The following LYSMD4 variants were observed in gnomAD, a reference collection of about 807,000 sequenced individuals.
The protein encoded by LYSMD4 is lysM and putative peptidoglycan-binding domain-containing protein 4.
Under a neutral mutation model 6.1 loss-of-function variants are expected in LYSMD4, and 9 were observed. The observed-to-expected ratio is 1.47, with a 90% CI of 0.88 to 2.56. The LOEUF (loss-of-function observed/expected upper bound fraction) is 2.56, where lower values mean the gene tolerates loss of function less well. Ranked by LOEUF, LYSMD4 falls within the 30% of genes most tolerant of loss-of-function variation. The pLI, the probability that LYSMD4 is intolerant of heterozygous loss-of-function variation, is 0.00. For synonymous variants in LYSMD4, 143 were observed against 148.5 expected (o/e 0.96, Z 0.27); for missense variants, 384 against 373.5 (o/e 1.03, Z -0.23).
chr15:99,732,831 C>A (rs976108455), intron 1 of LYSMD4: 1 of 152,780 alleles, frequency 6.5e-6, no homozygotes, highest in African/African-American at 2.4e-5. Flanking sequence ...TCCCCGCCCA[C>A]GCCTTCGAGG....
chr15:99,732,221 T>C (rs2059435905), intron 1 of LYSMD4, among the ~76,000 whole-genome samples: 1 of 152,228 alleles, frequency 6.6e-6, no homozygotes, highest in Non-Finnish European at 1.5e-5. Flanking sequence ...TCTAATCGCA[T>C]ACGTTTTGTG....
Position 99,729,084 on chromosome 15 carries a change from CCA to C in LYSMD4, c.*37_*38del. The C allele has an allele frequency of 6.2e-7, 1 of 1,603,288 alleles. No individual in the cohort carries two copies. Among genetic ancestry groups the C allele is most frequent in the Non-Finnish European group, 8.5e-7 (1 of 1,171,974 alleles). On this transcript the variant is annotated 3_prime_UTR_variant, in exon 3 of 3. Coordinates refer to ENST00000684762, the MANE Select transcript of LYSMD4 (RefSeq NM_001284417.2). The stretch of plus-strand genomic sequence containing the variant: ...AGTGACAGCTGAGGCACATCAACAG[CCA>C]ATTGCTAAAGCTGGGCCTAGTCTTT...
At chr15:99,731,517 CTT>C in intron 2 of LYSMD4, 199 bp downstream of exon 2, 1 of 1,567,828 alleles carries the variant, frequency 6.4e-7, no homozygotes, top group Non-Finnish European at 8.6e-7. Context: ...AACCCTCCCT[CTT>C]TGGGGGCCAG....
chr15:99,731,614 AC>A (rs1243413643), intron 2 of LYSMD4, 103 bp downstream of exon 2: 1 of 1,522,640 alleles, frequency 6.6e-7, no homozygotes, highest in Admixed American at 2.2e-5. Context: ...GCCTCTCCTG[AC>A]GGCCTGGCAG....
At chr15:99,731,489 CAGAG>C (rs2059410055) in intron 2 of LYSMD4, 1 of 1,591,164 alleles carries the variant, frequency 6.3e-7, no homozygotes, top group African/African-American at 1.4e-5. Flanking sequence ...AAGTTCCCTG[CAGAG>C]AAAGAAATGC....
rs759713410 is a variant in LYSMD4 at position 99,729,307 on chromosome 15, T to C, written c.707A>G (p.Tyr236Cys). 6.2e-7 allele frequency: 1 copy of C among 1,614,004 alleles called. No individual in the cohort carries two copies. The highest frequency in any genetic ancestry group is 8.5e-7 in the Non-Finnish European group (1 of 1,180,018). Residue 236 changes from tyrosine to cysteine, a missense_variant, in exon 3 of 3, where the codon TAT becomes TGT. By Grantham distance (194) the Tyr-to-Cys change is radical. Transcript: ENST00000684762. Reference protein sequence around the residue: ...LLIGIVLPVFYLVYFKIQASG... With the variant: ...LLIGIVLPVFCLVYFKIQASG... ...AGCTTGTATTTTAAAGTAGACCAAA[T>C]AAAAGACAGGCAAGACAATACCAAT...
exon 1 of LYSMD4, chr15:99,716,805 C>G (rs1192771589): frequency 2.5e-6 from 1 of 394,138 alleles, no homozygotes; most frequent in East Asian, 7.4e-5. Context: ...CATTCGGCCT[C>G]CAGTAACTGC....
In LYSMD4 at chr15:99,729,717, C is replaced by T. The variant is rs763717885; in HGVS notation, c.297G>A (p.Lys99=). 1 of 1,607,886 alleles carries T rather than the reference C, an allele frequency of 6.2e-7. No homozygotes were observed. The highest frequency in any genetic ancestry group is 1.1e-5 in the South Asian group (1 of 90,908). Reference sequence around the variant, plus strand: ...GTTCTCTGATGAAGTTGTTGACTTTCTTGATATCTGCAACCTAGGAAGGCA... The same window carrying T: ...GTTCTCTGATGAAGTTGTTGACTTTTTTGATATCTGCAACCTAGGAAGGCA... ...LQYGCKVADI[K]KVNNFIREQD... Residue 99 remains lysine (K), a synonymous_variant, in exon 3 of 3, where the codon AAG becomes AAA. Coordinates refer to ENST00000684762, the MANE Select transcript of LYSMD4 (RefSeq NM_001284417.2).
At chr15:99,725,087 C>G (rs1457087418), downstream of LYSMD4, among the ~76,000 whole-genome samples, 1 of 152,180 alleles carries the variant, frequency 6.6e-6, no homozygotes, top group African/African-American at 2.4e-5. Context: ...AGACCTGTCC[C>G]AAGGCCTTAA....
rs749994991 is a variant in LYSMD4 at position 99,729,418 on chromosome 15, G to A, written c.596C>T (p.Pro199Leu). ...ESYCMDTSHQ[P>L]LLPAPPKTPM... is the part of the protein sequence containing the mutation. ...CGTCTTCGGAGGTGCCGGGAGCAGT[G>A]GCTGATGGGAGGTGTCCATGCAGTA... The change falls in exon 3 of 3, where the codon CCA (proline) becomes CTA (leucine). Residue 199 changes from proline (P) to leucine (L), a missense_variant. Pro to Leu is a moderately conservative substitution (Grantham distance 98). Transcript: ENST00000684762. The A allele has an allele frequency of 6.2e-7, 1 of 1,614,198 alleles. No homozygotes were observed. The highest frequency in any genetic ancestry group is 8.5e-7 in the Non-Finnish European group (1 of 1,180,042).
chr15:99,728,117 A>C lies in LYSMD4; in HGVS notation c.*1006T>G, dbSNP rs1424454594. 1 of 152,276 alleles carries C rather than the reference A, an allele frequency of 6.6e-6. No homozygotes were observed. The highest frequency in any genetic ancestry group is 1.5e-5 in the Non-Finnish European group (1 of 68,080). 9.4% of individuals were successfully genotyped at this position (152,276 alleles called of 1,614,324 possible). On this transcript the variant is annotated 3_prime_UTR_variant, in exon 3 of 3. Coordinates refer to ENST00000684762, the MANE Select transcript of LYSMD4 (RefSeq NM_001284417.2). ...CCTGGAACATTGTGAGTTACATTGC[A>C]TATAGTGTTATTCTAAGGGCATCAC...
upstream of LYSMD4, among the ~76,000 whole-genome samples, chr15:99,719,435 A>G (rs924710751): frequency 3.3e-5 from 5 of 152,160 alleles, no homozygotes. Context: ...CACCCCTGCT[A>G]GCCTCTTCCT....
rs1333931704 is a variant in LYSMD4, at chr15:99,729,848, CTGA to C, written c.283-120_283-118del. On this transcript the variant is annotated intron_variant, in intron 2 of 2. Coordinates refer to ENST00000684762, the MANE Select transcript of LYSMD4 (RefSeq NM_001284417.2). ...ATTCAAGCCCACTTCACTGACGAAT[CTGA>C]TGAAGACTGGAAAACTGCAGCTGTA... is the stretch of plus-strand genomic sequence containing the variant. 2.6e-5 allele frequency: 33 copies of C among 1,271,832 alleles called. No homozygotes were observed. In the East Asian group the frequency reaches 7.4e-4, roughly 29 times the overall value. 78.8% of individuals were successfully genotyped at this position (1,271,832 alleles called of 1,614,324 possible).
chr15:99,727,179 A>G (rs2059291922), downstream of LYSMD4, among the ~76,000 whole-genome samples: 1 of 152,220 alleles, frequency 6.6e-6, no homozygotes, highest in African/African-American at 2.4e-5. Context: ...GTTCGAAATC[A>G]GCCTGGCCAA....
rs1018685789 is a variant in LYSMD4, at chr15:99,729,050, G to A, written c.*73C>T. 2 of 1,576,474 alleles carry A rather than the reference G, an allele frequency of 1.3e-6. No individual in the cohort carries two copies. Among genetic ancestry groups the A allele is most frequent in the Non-Finnish European group, 1.7e-6 (2 of 1,158,124 alleles). The stretch of plus-strand genomic sequence containing the variant: ...CGGAAGCAAAATGCAGCACCCCTAG[G>A]ACATCGCCAGTGACAGCTGAGGCAC... On this transcript the variant is annotated 3_prime_UTR_variant, in exon 3 of 3. Coordinates refer to ENST00000684762, the MANE Select transcript of LYSMD4 (RefSeq NM_001284417.2).
chr15:99,729,725 C>G lies in LYSMD4; in HGVS notation c.289G>C (p.Asp97His). The G allele has an allele frequency of 8.7e-6, 14 of 1,604,980 alleles. No homozygotes were observed. The highest frequency in any genetic ancestry group is 1.2e-5 in the Non-Finnish European group (14 of 1,177,090). Residue 97 changes from aspartate (D) to histidine (H), a missense_variant, in exon 3 of 3, where the codon GAT becomes CAT. Asp to His is a moderately conservative substitution (Grantham distance 81, BLOSUM62 -1). Coordinates refer to ENST00000684762, the MANE Select transcript of LYSMD4 (RefSeq NM_001284417.2). ...LALQYGCKVA[D>H]IKKVNNFIRE... is the part of the protein sequence containing the mutation. The stretch of plus-strand genomic sequence containing the variant: ...ATGAAGTTGTTGACTTTCTTGATAT[C>G]TGCAACCTAGGAAGGCACGAAGATA...
chr15:99,724,484 C>T (rs1467849290), downstream of LYSMD4, among the ~76,000 whole-genome samples: 1 of 152,198 alleles, frequency 6.6e-6, no homozygotes, highest in African/African-American at 2.4e-5. Context: ...AGGCTGGTCT[C>T]GAACTCCTGG....
chr15:99,720,107 GTACTT>G (rs908740871), upstream of LYSMD4, among the ~76,000 whole-genome samples: 2 of 151,952 alleles, frequency 1.3e-5, no homozygotes, highest in Non-Finnish European at 2.9e-5. Flanking sequence ...CTTTTTTGTG[GTACTT>G]TAGTCACGCA....
upstream of LYSMD4, among the ~76,000 whole-genome samples, chr15:99,721,814 C>T (rs76384125): frequency 8.8e-3 from 1,335 of 152,286 alleles, 17 homozygotes; most frequent in African/African-American, 0.031. Flanking sequence ...CCTTGGACAA[C>T]GGGCAGTGCA....
Sources: gnomAD v4.1 joint callset for allele counts (sites outside exome capture counted in the v4.1 genomes callset) on GRCh38, gnomAD v4.1.1 for gene constraint, MANE v1.5 for transcripts, NCBI Gene and HGNC (gene_info 2026-07-23, HGNC 2026-07-21) for gene names.